The following SDHAF3 variants were observed in gnomAD, a reference collection of about 807,000 sequenced individuals.
The protein encoded by SDHAF3 is succinate dehydrogenase complex assembly factor 3.
In SDHAF3, 18 loss-of-function variants were observed where a neutral mutation model predicts 11.5. The ratio of observed to expected loss-of-function variants is 1.56; its 90% confidence interval spans 1.08 to 2.32. SDHAF3 has a LOEUF of 2.32. SDHAF3 is among the 30% of genes most tolerant of loss of function. The pLI is 0.00. For synonymous variants in SDHAF3, 72 were observed against 59.3 expected, an observed-to-expected ratio of 1.21 and a Z score of -0.99; for missense variants, 200 against 154.4, an observed-to-expected ratio of 1.30 and a Z score of -1.57.
At chr7:97,155,246 T>A (rs1193338305) in intron 1 of SDHAF3, among the ~76,000 whole-genome samples, 1 of 152,210 alleles carries the variant, frequency 6.6e-6, no homozygotes, top group Non-Finnish European at 1.5e-5. Flanking sequence ...TTTTAAAATT[T>A]AAATTTAAAT....
At chr7:97,158,948 TTTC>T (rs1789353765) in intron 1 of SDHAF3, among the ~76,000 whole-genome samples, 1 of 152,266 alleles carries the variant, frequency 6.6e-6, no homozygotes, top group Admixed American at 6.5e-5. Context: ...AACCTGTTTT[TTTC>T]TTTTTTCTGT....
At chr7:97,144,943 G>T (rs1281092660) in intron 1 of SDHAF3, among the ~76,000 whole-genome samples, 1 of 151,366 alleles carries the variant, frequency 6.6e-6, no homozygotes, top group Non-Finnish European at 1.5e-5. Context: ...ATGTGCATGG[G>T]GTGTGTTTCC....
chr7:97,134,490 A>T (rs966106491), intron 1 of SDHAF3, among the ~76,000 whole-genome samples: 4 of 152,224 alleles, frequency 2.6e-5, no homozygotes, highest in Non-Finnish European at 4.4e-5. Context: ...TGTGTCTCCC[A>T]GGCTGGAGTG....
chr7:97,173,699 CCCA>C (rs1176468187), intron 1 of SDHAF3, among the ~76,000 whole-genome samples: 1 of 150,714 alleles, frequency 6.6e-6, no homozygotes, highest in Non-Finnish European at 1.5e-5. Flanking sequence ...ACTACAGGCG[CCCA>C]CCACCACGCC....
chr7:97,125,149 C>T (rs1245678271), intron 1 of SDHAF3, among the ~76,000 whole-genome samples: 2 of 151,738 alleles, frequency 1.3e-5, no homozygotes, highest in Non-Finnish European at 2.9e-5. Context: ...GTCTGGCCAG[C>T]GGTCTATTTT....
chr7:97,137,536 A>G (rs963067371), intron 1 of SDHAF3, among the ~76,000 whole-genome samples: 1 of 152,194 alleles, frequency 6.6e-6, no homozygotes, highest in Non-Finnish European at 1.5e-5. Flanking sequence ...TGTTGGAGAG[A>G]ACTAGACAGA....
In SDHAF3 at chr7:97,117,880, T is replaced by A; in HGVS notation, c.157T>A (p.Phe53Ile). ...KTVGSDEAQR[F>I]LQEWEVYATA... ...CGTTGGTTCTGACGAGGCACAGCGT[T>A]TCTTGCAAGAATGGGAGGCAAGTGA... Residue 53 changes from phenylalanine to isoleucine, a missense_variant, in exon 1 of 2, where the codon TTC becomes ATC. Coordinates refer to ENST00000432641, the MANE Select transcript of SDHAF3 (RefSeq NM_020186.3). 6.2e-7 allele frequency: 1 copy of A among 1,614,118 alleles called. No individual in the cohort carries two copies. Among genetic ancestry groups the A allele is most frequent in the Non-Finnish European group, 8.5e-7 (1 of 1,179,964 alleles).
intron 1 of SDHAF3, among the ~76,000 whole-genome samples, chr7:97,139,319 G>A (rs533602493): frequency 2.2e-4 from 34 of 152,326 alleles, no homozygotes; most frequent in African/African-American, 7.2e-4. Context: ...CCCCACACCC[G>A]GAGATGGGCA....
intron 1 of SDHAF3, among the ~76,000 whole-genome samples, chr7:97,155,628 T>C (rs1216631674): frequency 6.6e-6 from 1 of 152,204 alleles, no homozygotes; most frequent in Non-Finnish European, 1.5e-5. Flanking sequence ...CACTAAATTA[T>C]AAGCTGCTTT....
At chr7:97,163,951 CTTT>C (rs57540189) in intron 1 of SDHAF3, among the ~76,000 whole-genome samples, 3 of 137,552 alleles carry the variant, frequency 2.2e-5, no homozygotes, top group Non-Finnish European at 1.6e-5. Context: ...GTTGAAAATT[CTTT>C]TTTTTTTTTT....
At chr7:97,140,388 C>T (rs1789011667) in intron 1 of SDHAF3, among the ~76,000 whole-genome samples, 1 of 146,890 alleles carries the variant, frequency 6.8e-6, no homozygotes, top group African/African-American at 2.6e-5. Flanking sequence ...CTCTGTCACC[C>T]AGGCTAGAGG....
intron 1 of SDHAF3, among the ~76,000 whole-genome samples, chr7:97,179,125 C>CT (rs1278541848): frequency 6.6e-6 from 1 of 152,114 alleles, no homozygotes; most frequent in African/African-American, 2.4e-5. Context: ...GATTTGACAT[C>CT]TTTATCAAAA....
At chr7:97,180,713 A>G (rs1789756932) in intron 1 of SDHAF3, among the ~76,000 whole-genome samples, 2 of 152,148 alleles carry the variant, frequency 1.3e-5, no homozygotes, top group South Asian at 4.1e-4. Context: ...AATTTTGCAT[A>G]TGGTTTGAGG....
chr7:97,123,941 G>A (rs11123473), intron 1 of SDHAF3, among the ~76,000 whole-genome samples: 16,248 of 151,694 alleles, frequency 0.11, 877 homozygotes, highest in Middle Eastern at 0.16. Flanking sequence ...CTCCCGTTCT[G>A]TAGGTTGCCT....
intron 1 of SDHAF3, among the ~76,000 whole-genome samples, chr7:97,132,649 A>G (rs1449742525): frequency 2.6e-5 from 4 of 152,024 alleles, no homozygotes; most frequent in African/African-American, 9.7e-5. Context: ...TTTTTCCCCT[A>G]TGTTTTATAG....
chr7:97,134,197 C>T (rs1484214831), intron 1 of SDHAF3, among the ~76,000 whole-genome samples: 1 of 152,224 alleles, frequency 6.6e-6, no homozygotes, highest in East Asian at 1.9e-4. Flanking sequence ...CCACCTGCAG[C>T]CTCAGTGAAT....
chr7:97,167,284 C>T (rs1178911265), intron 1 of SDHAF3, among the ~76,000 whole-genome samples: 2 of 152,130 alleles, frequency 1.3e-5, no homozygotes, highest in Admixed American at 1.3e-4. Context: ...CCCCCCTTGG[C>T]TCTCTCTCCT....
chr7:97,144,078 T>C (rs1789099380), intron 1 of SDHAF3, among the ~76,000 whole-genome samples: 1 of 152,228 alleles, frequency 6.6e-6, no homozygotes, highest in Admixed American at 6.5e-5. Context: ...TGCATTTCCC[T>C]GATCATTAGT....
At chr7:97,153,810 A>G (rs766287434) in intron 1 of SDHAF3, among the ~76,000 whole-genome samples, 3 of 152,210 alleles carry the variant, frequency 2.0e-5, no homozygotes, top group Non-Finnish European at 4.4e-5. Flanking sequence ...GCAGTGAATG[A>G]GAGTTTCTGT....
Sources: allele counts gnomAD v4.1 joint callset (sites outside exome capture counted in the v4.1 genomes callset), GRCh38; gene constraint gnomAD v4.1.1; transcripts MANE v1.5; gene names NCBI Gene and HGNC (gene_info 2026-07-23, HGNC 2026-07-21).